Variants in NALCN observed in about 807,000 individuals in gnomAD.
NALCN encodes the protein sodium leak channel NALCN.
A neutral mutation model predicts 225.3 loss-of-function variants in NALCN; 111 were observed. The observed-to-expected ratio is 0.49, with a 90% CI of 0.42 to 0.58. NALCN has a LOEUF of 0.58. Ranked by LOEUF, NALCN falls within the 20% of genes least tolerant of loss-of-function variation. The pLI, the probability that NALCN is intolerant of heterozygous loss-of-function variation, is 0.00. For synonymous variants in NALCN, 764 were observed against 769.0 expected (o/e 0.99, Z 0.11); for missense variants, 1,378 against 2,202.4 (o/e 0.63, Z 7.49).
At chr13:101,365,882 T>G (rs1032314873) in intron 6 of NALCN, among the ~76,000 whole-genome samples, 4 of 152,204 alleles carry the variant, frequency 2.6e-5, no homozygotes, top group Non-Finnish European at 5.9e-5. Flanking sequence ...TTTCATATAT[T>G]TAATGGTTAC....
intron 17 of NALCN, among the ~76,000 whole-genome samples, chr13:101,137,979 AC>A (rs970099390): frequency 3.9e-5 from 6 of 152,142 alleles, no homozygotes; most frequent in African/African-American, 1.4e-4. Flanking sequence ...TCACTCTTCT[AC>A]CCAATTTCTC....
chr13:101,202,773 C>T (rs1294868448), intron 13 of NALCN, among the ~76,000 whole-genome samples: 1 of 152,204 alleles, frequency 6.6e-6, no homozygotes. Context: ...AGCTGCTCCC[C>T]CTGGTGTAAC....
At chr13:101,090,551 TTG>T (rs1442304205) in intron 28 of NALCN, among the ~76,000 whole-genome samples, 2 of 152,080 alleles carry the variant, frequency 1.3e-5, no homozygotes, top group Non-Finnish European at 2.9e-5. Flanking sequence ...CAAGAGGTGT[TTG>T]CTTGTAGTAT....
In NALCN at chr13:101,301,234, G is replaced by A. The variant is rs551725343; in HGVS notation, c.800-8868C>T. Among the ~76,000 whole-genome samples, 22 of 152,234 alleles carry A rather than the reference G, an allele frequency of 1.4e-4. No homozygotes were observed. In the East Asian group the frequency reaches 4.3e-3, roughly 29 times the overall value. ...ACTACAGCAGAACAGTTCCCAGGACGCTCAGTCCACACGCCAACTACAGCA... is the reference window on the plus strand; with the variant it reads ...ACTACAGCAGAACAGTTCCCAGGACACTCAGTCCACACGCCAACTACAGCA... On this transcript the variant is annotated intron_variant, in intron 7 of 43. Coordinates refer to ENST00000251127, the MANE Select transcript of NALCN (RefSeq NM_052867.4).
intron 39 of NALCN, 36 bp from the exon 40 acceptor site, chr13:101,065,597 G>A (rs1280680207): frequency 6.3e-7 from 1 of 1,592,928 alleles, no homozygotes; most frequent in Non-Finnish European, 8.5e-7. Context: ...CAAATCATCA[G>A]GCCTCGATGA....
chr13:101,398,962 C>G (rs2047389993), intron 2 of NALCN, 57 bp downstream of exon 2: 1 of 1,103,756 alleles, frequency 9.1e-7, no homozygotes, highest in Non-Finnish European at 1.4e-6. Context: ...TTGAATTTGT[C>G]AATCACATTT....
intron 18 of NALCN, among the ~76,000 whole-genome samples, chr13:101,119,571 C>A (rs377076671): frequency 3.3e-5 from 5 of 152,156 alleles, no homozygotes; most frequent in African/African-American, 1.2e-4. Context: ...ATTCATTCAG[C>A]CTTGCAGGAA....
intron 17 of NALCN, among the ~76,000 whole-genome samples, chr13:101,135,956 T>C (rs768830305): frequency 4.6e-5 from 7 of 152,224 alleles, no homozygotes; most frequent in African/African-American, 7.2e-5. Context: ...TAAAAAATTC[T>C]TAATCCTAGA....
At chr13:101,176,092 A>G (rs1566384871) in intron 15 of NALCN, among the ~76,000 whole-genome samples, 1 of 152,202 alleles carries the variant, frequency 6.6e-6, no homozygotes, top group Non-Finnish European at 1.5e-5. Flanking sequence ...AAATAATAAA[A>G]CTATTCCTAG....
At chr13:101,159,804 G>T (rs576445448) in intron 15 of NALCN, among the ~76,000 whole-genome samples, 1 of 152,054 alleles carries the variant, frequency 6.6e-6, no homozygotes, top group Admixed American at 6.6e-5. Context: ...GTTAGGACTC[G>T]TGTCATCAAA....
At chr13:101,301,124 G>C (rs2139095017) in intron 7 of NALCN, among the ~76,000 whole-genome samples, 1 of 152,334 alleles carries the variant, frequency 6.6e-6, no homozygotes, top group East Asian at 1.9e-4. Flanking sequence ...AAAGAAAGGA[G>C]AGGTGAAGGC....
At chr13:101,259,732 G>GTATATGTATATATATATA in intron 10 of NALCN, among the ~76,000 whole-genome samples, 1 of 119,402 alleles carries the variant, frequency 8.4e-6, no homozygotes, top group Non-Finnish European at 1.8e-5. Context: ...CATAGTAAGT[G>GTATATGTATATATATATA]TATATATATA....
chr13:101,323,935 C>T (rs531055), intron 7 of NALCN, among the ~76,000 whole-genome samples: 131,566 of 152,078 alleles, frequency 0.87, 57,178 homozygotes, highest in African/African-American at 0.91. Flanking sequence ...GTACAGGAGT[C>T]ACTGAGATAG....
intron 9 of NALCN, among the ~76,000 whole-genome samples, chr13:101,286,604 A>T (rs1170828770): frequency 6.6e-6 from 1 of 152,194 alleles, no homozygotes; most frequent in Non-Finnish European, 1.5e-5. Flanking sequence ...TCCTCATCGC[A>T]TACGTCACCT....
At chr13:101,301,720 CAA>C (rs34125715) in intron 7 of NALCN, among the ~76,000 whole-genome samples, 1 of 133,684 alleles carries the variant, frequency 7.5e-6, no homozygotes, top group East Asian at 2.2e-4. Context: ...GACTCTGTCT[CAA>C]AAAAAAAAGA....
chr13:101,144,899 A>G lies in NALCN; in HGVS notation c.1840-3T>C, dbSNP rs2139796316. The G allele has an allele frequency of 1.9e-6, 3 of 1,598,534 alleles. No homozygotes were observed. Among genetic ancestry groups the G allele is most frequent in the Non-Finnish European group, 2.6e-6 (3 of 1,176,062 alleles). ...GCATTTGCTTCACTTTGCTTTAACT[A>G]AAGAAAAATTGGAAAGAAGAAAAAA... On this transcript the variant is annotated splice_region_variant and splice_polypyrimidine_tract_variant and intron_variant, in intron 15 of 43. Transcript: ENST00000251127.
At chr13:101,281,784 AG>A (rs1370620835) in intron 10 of NALCN, among the ~76,000 whole-genome samples, 1 of 152,246 alleles carries the variant, frequency 6.6e-6, no homozygotes, top group African/African-American at 2.4e-5. Flanking sequence ...AATAACAAAA[AG>A]CCCCCAAACT....
At chr13:101,409,734 T>G (rs1339911739) in intron 1 of NALCN, among the ~76,000 whole-genome samples, 1 of 152,206 alleles carries the variant, frequency 6.6e-6, no homozygotes, top group African/African-American at 2.4e-5. Flanking sequence ...AGGGAGATTA[T>G]GTTTTTGTGT....
At chr13:101,060,275 G>T (rs867298656) in intron 41 of NALCN, among the ~76,000 whole-genome samples, 121 of 79,794 alleles carry the variant, frequency 1.5e-3, no homozygotes, top group South Asian at 3.9e-3. Context: ...GGTGTTTTCT[G>T]TTTTTTTTTT....
Sources: gnomAD v4.1 joint callset for allele counts (sites outside exome capture counted in the v4.1 genomes callset) on GRCh38, gnomAD v4.1.1 for gene constraint, MANE v1.5 for transcripts, NCBI Gene and HGNC (gene_info 2026-07-23, HGNC 2026-07-21) for gene names.